Variants in ITPR2 observed in about 807,000 individuals in gnomAD.
ITPR2 encodes the protein inositol 1,4,5-trisphosphate-gated calcium channel ITPR2.
In ITPR2, 207 loss-of-function variants were observed where a neutral mutation model predicts 317.1. That is an observed-to-expected ratio of 0.65 (90% CI 0.58 to 0.73). The LOEUF (loss-of-function observed/expected upper bound fraction) is 0.73. Ranked by LOEUF, ITPR2 falls within the 30% of genes least tolerant of loss-of-function variation. The probability of loss-of-function intolerance (pLI) is 0.00; values close to 1 mark genes in which losing one functional copy is unlikely to be tolerated. For synonymous variants in ITPR2, 1,156 were observed against 1,149.1 expected, an observed-to-expected ratio of 1.01 and a Z score of -0.12; for missense variants, 2,613 against 3,284.0, an observed-to-expected ratio of 0.80 and a Z score of 4.99.
chr12:26,613,797 T>C (rs573131093), intron 26 of ITPR2, among the ~76,000 whole-genome samples: 1 of 152,228 alleles, frequency 6.6e-6, no homozygotes, highest in East Asian at 1.9e-4. Context: ...GGCTCCCATA[T>C]ACAAGACAAG....
intron 32 of ITPR2, among the ~76,000 whole-genome samples, chr12:26,583,292 C>T (rs1945446256): frequency 6.6e-6 from 1 of 152,132 alleles, no homozygotes; most frequent in Admixed American, 6.5e-5. Flanking sequence ...TTCTGTCATA[C>T]ACCAACAGTT....
intron 14 of ITPR2, among the ~76,000 whole-genome samples, chr12:26,665,382 T>G (rs964686361): frequency 1.1e-4 from 16 of 152,214 alleles, no homozygotes; most frequent in African/African-American, 3.9e-4. Context: ...TCTACAATGG[T>G]CTCTGATATT....
intron 34 of ITPR2, among the ~76,000 whole-genome samples, chr12:26,568,552 TA>T (rs551086061): frequency 6.6e-6 from 1 of 152,034 alleles, no homozygotes; most frequent in Admixed American, 6.6e-5. Flanking sequence ...GCTTATTATA[TA>T]AAAAAATTTT....
At position 26,415,169 on chromosome 12, in the gene ITPR2, G is replaced by T. The variant is rs1940681801; in HGVS notation, c.7306+134C>A. The T allele has an allele frequency of 4.6e-5, 28 of 606,202 alleles. 1 individual carries two copies. The South Asian group carries it at 6.9e-4, about 15-fold the overall frequency. The allele number at this position is 606,202 out of a possible 1,614,324, so 37.6% of individuals were successfully genotyped here. A position where few individuals can be genotyped will look rare whatever the true frequency, so the allele number is the denominator to read the frequency against. ...TACTTCACATTCCTGACTCTTAGTA[G>T]TAAACAAAACATATTCTCAAAGGAA... On this transcript the variant is annotated intron_variant, in intron 51 of 56. Coordinates refer to ENST00000381340, the MANE Select transcript of ITPR2 (RefSeq NM_002223.4).
chr12:26,427,678 G>C (rs1941101315), intron 49 of ITPR2, among the ~76,000 whole-genome samples: 1 of 152,064 alleles, frequency 6.6e-6, no homozygotes, highest in South Asian at 2.1e-4. Flanking sequence ...ATTGATGGCA[G>C]AACTGGGTCA....
At chr12:26,824,701 A>T (rs1950985786) in intron 1 of ITPR2, among the ~76,000 whole-genome samples, 1 of 152,246 alleles carries the variant, frequency 6.6e-6, no homozygotes, top group South Asian at 2.1e-4. Flanking sequence ...AAAACTGGGA[A>T]ATACAGAAGA....
intron 39 of ITPR2, among the ~76,000 whole-genome samples, chr12:26,490,785 C>T (rs1180880129): frequency 6.6e-6 from 1 of 152,228 alleles, no homozygotes; most frequent in Non-Finnish European, 1.5e-5. Flanking sequence ...TGCACTCCAG[C>T]CTGGGTGACA....
Position 26,832,768 on chromosome 12 carries a change from AT to A in ITPR2, c.13del (p.Met5CysfsTer7). 2 of 1,601,398 alleles carry A rather than the reference AT, an allele frequency of 1.2e-6. No homozygotes were observed. Among genetic ancestry groups the A allele is most frequent in the Non-Finnish European group, 1.7e-6 (2 of 1,174,466 alleles). On this transcript the variant is annotated frameshift_variant, in exon 1 of 57. Coordinates refer to ENST00000381340, the MANE Select transcript of ITPR2 (RefSeq NM_002223.4). LOFTEE classifies it high-confidence loss of function. ...GTCCCCTATGTAGAGGAAGCTGGAC[AT>A]TTTCTCAGTCATGCTGCTTCATGTT... is the stretch of plus-strand genomic sequence containing the variant. MTEK[M>X]SSFLYIGDIV...
chr12:26,822,761 T>C (rs1256430970), intron 1 of ITPR2, among the ~76,000 whole-genome samples: 2 of 152,196 alleles, frequency 1.3e-5, no homozygotes, highest in African/African-American at 4.8e-5. Context: ...TTATCTCAGG[T>C]CTCAGTAAAT....
intron 55 of ITPR2, among the ~76,000 whole-genome samples, chr12:26,371,601 G>A (rs1409441281): frequency 6.6e-6 from 1 of 152,210 alleles, no homozygotes; most frequent in East Asian, 1.9e-4. Flanking sequence ...ATTTTCTGAA[G>A]ATAAGCATTC....
chr12:26,457,689 G>A (rs901510881), intron 45 of ITPR2, among the ~76,000 whole-genome samples: 6 of 152,200 alleles, frequency 3.9e-5, no homozygotes, highest in African/African-American at 7.2e-5. Flanking sequence ...AGTCACAGAC[G>A]TGGCTAGAGG....
At chr12:26,516,285 G>GGGAAGGGAAGGGAAA (rs1943504560) in intron 37 of ITPR2, among the ~76,000 whole-genome samples, 4 of 42,838 alleles carry the variant, frequency 9.3e-5, no homozygotes, top group African/African-American at 3.6e-4. Flanking sequence ...GGGAAGGGAA[G>GGGAAGGGAAGGGAAA]GGAAAGGAAA....
intron 37 of ITPR2, among the ~76,000 whole-genome samples, chr12:26,543,510 G>T (rs950897896): frequency 7.2e-5 from 11 of 152,142 alleles, no homozygotes; most frequent in African/African-American, 2.7e-4. Context: ...CTCAGGCTGG[G>T]CACGGTAGCT....
chr12:26,465,951 T>G (rs1425159918), intron 45 of ITPR2, among the ~76,000 whole-genome samples: 2 of 152,192 alleles, frequency 1.3e-5, no homozygotes, highest in African/African-American at 4.8e-5. Context: ...TCCCCAGCAC[T>G]GAGAGCAGCA....
chr12:26,608,802 A>AAAG lies in ITPR2; in HGVS notation c.3463-6097_3463-6096insCTT, dbSNP rs1555166017. ...CTTTTAAATTAAAAAAAAAAAAAAA[A>AAAG]AACACATCAGGAACCTATTATCATA... On this transcript the variant is annotated intron_variant, in intron 26 of 56. Coordinates refer to ENST00000381340, the MANE Select transcript of ITPR2 (RefSeq NM_002223.4). Among the ~76,000 whole-genome samples the AAAG allele has an allele frequency of 9.5e-3, 1,423 of 149,082 alleles. 29 individuals are homozygous for AAAG. Among genetic ancestry groups the AAAG allele is most frequent in the African/African-American group, 0.03 (1,210 of 40,488 alleles).
chr12:26,662,870 T>C (rs1034180218), intron 15 of ITPR2, among the ~76,000 whole-genome samples: 1 of 152,060 alleles, frequency 6.6e-6, no homozygotes, highest in Admixed American at 6.5e-5. Context: ...GGGGCCTCGC[T>C]ATATTGCCTA....
intron 55 of ITPR2, among the ~76,000 whole-genome samples, chr12:26,385,046 C>A (rs1461152347): frequency 6.6e-6 from 1 of 152,198 alleles, no homozygotes; most frequent in Admixed American, 6.5e-5. Flanking sequence ...ACTTTCTACA[C>A]ATCATCTCAC....
intron 37 of ITPR2, among the ~76,000 whole-genome samples, chr12:26,518,899 C>G (rs1386313809): frequency 6.6e-6 from 1 of 151,940 alleles, no homozygotes; most frequent in Non-Finnish European, 1.5e-5. Context: ...CTATGATCAA[C>G]AAGATTTTTC....
At chr12:26,538,369 C>T (rs540340545) in intron 37 of ITPR2, among the ~76,000 whole-genome samples, 3 of 151,750 alleles carry the variant, frequency 2.0e-5, no homozygotes, top group Non-Finnish European at 4.4e-5. Context: ...ATTTGCTTAA[C>T]CTTCAGGTTG....
Sources: gnomAD v4.1 joint callset for allele counts (sites outside exome capture counted in the v4.1 genomes callset) on GRCh38, gnomAD v4.1.1 for gene constraint, MANE v1.5 for transcripts, NCBI Gene and HGNC (gene_info 2026-07-23, HGNC 2026-07-21) for gene names.